ARHGAP20: variants seen among roughly 807,000 people sequenced by gnomAD.
The protein encoded by ARHGAP20 is rho GTPase-activating protein 20.
ARHGAP20 carries 34 observed loss-of-function variants against 73.7 expected under a neutral mutation model. That is an observed-to-expected ratio of 0.46 (90% CI 0.35 to 0.61). The LOEUF is 0.61. ARHGAP20 is among the 20% of genes least tolerant of loss of function. ARHGAP20 has a pLI of 0.00. For missense variants in ARHGAP20, 1,314 were observed against 1,420.9 expected (o/e 0.92, Z 1.21); for synonymous variants, 523 against 518.2 (o/e 1.01, Z -0.13).
chr11:110,588,183 G>A (rs1383224170), intron 11 of ARHGAP20, among the ~76,000 whole-genome samples: 3 of 152,184 alleles, frequency 2.0e-5, no homozygotes, highest in Non-Finnish European at 4.4e-5. Context: ...CAGCTGAGAA[G>A]GATGTGAGAG....
intron 9 of ARHGAP20, among the ~76,000 whole-genome samples, chr11:110,596,734 G>T (rs74749869): frequency 6.6e-6 from 1 of 152,156 alleles, no homozygotes; most frequent in African/African-American, 2.4e-5. Flanking sequence ...TCAGTATGGC[G>T]ATTCCTCAGG....
At chr11:110,684,488 ACTC>A (rs2092598360) in intron 2 of ARHGAP20, among the ~76,000 whole-genome samples, 2 of 152,142 alleles carry the variant, frequency 1.3e-5, no homozygotes, top group Admixed American at 1.3e-4. Flanking sequence ...AATTTGTTCA[ACTC>A]CTATGAAAAA....
intron 1 of ARHGAP20, among the ~76,000 whole-genome samples, chr11:110,702,129 A>G (rs1950464982): frequency 6.6e-6 from 1 of 152,066 alleles, no homozygotes; most frequent in South Asian, 2.1e-4. Context: ...TGATGCAAAA[A>G]TCCTCAATAA....
Position 110,577,759 on chromosome 11 carries a change from G to GCAAA in ARHGAP20, c.*1607_*1610dup. ...CTAAAAGATCATTGTAATGGTTAGCGCAAACAGGGCCATGTCCCCAAGAGG... is the reference window on the plus strand; with the variant it reads ...CTAAAAGATCATTGTAATGGTTAGCGCAAACAAACAGGGCCATGTCCCCAAGAGG... On this transcript the variant is annotated 3_prime_UTR_variant, in exon 15 of 15. Transcript: ENST00000683387. 2.0e-6 allele frequency: 2 copies of GCAAA among 985,806 alleles called. No homozygotes were observed. The highest frequency in any genetic ancestry group is 1.2e-6 in the Non-Finnish European group (1 of 829,930). The allele number at this position is 985,806 out of a possible 1,614,324, so 61.1% of individuals were successfully genotyped here. A position where few individuals can be genotyped will look rare whatever the true frequency, so the allele number is the denominator to read the frequency against.
intron 2 of ARHGAP20, among the ~76,000 whole-genome samples, chr11:110,655,371 A>G (rs1312896506): frequency 6.6e-6 from 1 of 152,178 alleles, no homozygotes; most frequent in Non-Finnish European, 1.5e-5. Flanking sequence ...TACCTTATCA[A>G]TTAATTACTA....
chr11:110,609,083 A>T, intron 7 of ARHGAP20, 33 bp from the exon 8 acceptor site: 1 of 1,588,320 alleles, frequency 6.3e-7, no homozygotes, highest in South Asian at 1.1e-5. Flanking sequence ...GTCACAATAA[A>T]TCTTTCACAT....
Position 110,586,258 on chromosome 11 carries a change from A to G in ARHGAP20, c.1373T>C (p.Met458Thr), listed in dbSNP as rs1433370406. The G allele has an allele frequency of 3.0e-5, 47 of 1,575,962 alleles. No homozygotes were observed. The highest frequency in any genetic ancestry group is 4.0e-5 in the Non-Finnish European group (46 of 1,160,382). The change falls in exon 12 of 15, where the codon ATG (methionine) becomes ACG (threonine). Residue 458 changes from methionine (M) to threonine (T), a missense_variant. This residue lies in a region of ARHGAP20 where 230 missense variants were observed against 317.6 expected (regional missense o/e 0.72). Coordinates refer to ENST00000683387, the MANE Select transcript of ARHGAP20 (RefSeq NM_001384657.1). ...TTTCTCTTCATCATTTCCTTGATCCATTACAGAGACCCAGTGATCATAGAG... is the reference window on the plus strand; with the variant it reads ...TTTCTCTTCATCATTTCCTTGATCCGTTACAGAGACCCAGTGATCATAGAG... Reference protein sequence around the residue: ...SDLYDHWVSVMDQGNDEEKIN... With the variant: ...SDLYDHWVSVTDQGNDEEKIN...
At position 110,577,702 on chromosome 11, in the gene ARHGAP20, G is replaced by C. The variant is rs1252429674; in HGVS notation, c.*1668C>G. 1 of 985,790 alleles carries C rather than the reference G, an allele frequency of 1.0e-6. No homozygotes were observed. The highest frequency in any genetic ancestry group is 6.1e-5 in the Admixed American group (1 of 16,270). The allele number at this position is 985,790 out of a possible 1,614,324, so 61.1% of individuals were successfully genotyped here. A position where few individuals can be genotyped will look rare whatever the true frequency, so the allele number is the denominator to read the frequency against. On this transcript the variant is annotated 3_prime_UTR_variant, in exon 15 of 15. Transcript: ENST00000683387. ...TTCACATCTGTGACTCAGATGGCCA[G>C]TGTCACGAAGTAGCTCTTTGGATAC... is the stretch of plus-strand genomic sequence containing the variant.
chr11:110,688,637 T>C (rs983921178), intron 2 of ARHGAP20, among the ~76,000 whole-genome samples: 5 of 152,204 alleles, frequency 3.3e-5, no homozygotes, highest in African/African-American at 1.2e-4. Flanking sequence ...GGTTTCTAGA[T>C]AACCAGTGTT....
At chr11:110,658,892 A>G (rs1190191204) in intron 2 of ARHGAP20, among the ~76,000 whole-genome samples, 6 of 152,198 alleles carry the variant, frequency 3.9e-5, no homozygotes, top group Non-Finnish European at 7.3e-5. Context: ...GGAGTTAACT[A>G]TATCGCCTGA....
At chr11:110,695,957 A>G (rs1023266894) in intron 1 of ARHGAP20, among the ~76,000 whole-genome samples, 1 of 151,676 alleles carries the variant, frequency 6.6e-6, no homozygotes, top group Admixed American at 6.6e-5. Flanking sequence ...AAAATGTGGT[A>G]TATCTATACA....
At chr11:110,598,585 AT>A (rs1200560118) in intron 9 of ARHGAP20, among the ~76,000 whole-genome samples, 1 of 152,286 alleles carries the variant, frequency 6.6e-6, no homozygotes, top group East Asian at 1.9e-4. Context: ...TCATAATGTG[AT>A]TTTTTAATGT....
At chr11:110,588,104 A>G (rs971398324) in intron 11 of ARHGAP20, among the ~76,000 whole-genome samples, 9 of 152,214 alleles carry the variant, frequency 5.9e-5, no homozygotes, top group Non-Finnish European at 1.2e-4. Flanking sequence ...TTGAAAGATA[A>G]TAACTCGTAA....
rs775497671 is a variant in ARHGAP20, at chr11:110,581,906, G to A, written c.1720+415C>T. Among the ~76,000 whole-genome samples the A allele has an allele frequency of 4.9e-4, 73 of 147,780 alleles. 1 individual carries two copies. Among genetic ancestry groups the A allele is most frequent in the Non-Finnish European group, 4.3e-4 (29 of 67,320 alleles). On this transcript the variant is annotated intron_variant, in intron 14 of 14. Transcript: ENST00000683387. Reference sequence around the variant, plus strand: ...ACACTAGAATTCTGACGTGTCTGAGGGACCAGTACAAGGAAGGAGAGGACA... The same window carrying A: ...ACACTAGAATTCTGACGTGTCTGAGAGACCAGTACAAGGAAGGAGAGGACA...
At position 110,689,691 on chromosome 11, in the gene ARHGAP20, G is replaced by T. The variant is rs560654009; in HGVS notation, c.188+856C>A. Among the ~76,000 whole-genome samples the T allele has an allele frequency of 1.9e-3, 293 of 152,150 alleles. 3 individuals carry two copies. Among genetic ancestry groups the T allele is most frequent in the Non-Finnish European group, 3.7e-4 (25 of 68,000 alleles). ...ATTGGGTGACCATCAGTTGATGGTCGGTGGTTGTTAACCATTTCGCTAAAG... is the reference window on the plus strand; with the variant it reads ...ATTGGGTGACCATCAGTTGATGGTCTGTGGTTGTTAACCATTTCGCTAAAG... On this transcript the variant is annotated intron_variant, in intron 2 of 14. Transcript: ENST00000683387.
At chr11:110,642,353 C>T (rs112486060) in intron 2 of ARHGAP20, among the ~76,000 whole-genome samples, 37 of 152,196 alleles carry the variant, frequency 2.4e-4, no homozygotes, top group African/African-American at 8.4e-4. Context: ...AGTGGGCATT[C>T]TTGTCTTGTT....
chr11:110,647,299 T>C (rs962857605), intron 2 of ARHGAP20, among the ~76,000 whole-genome samples: 2 of 152,034 alleles, frequency 1.3e-5, no homozygotes, highest in Non-Finnish European at 2.9e-5. Flanking sequence ...AGTAAGGAGT[T>C]AGTATAGGTG....
intron 2 of ARHGAP20, among the ~76,000 whole-genome samples, chr11:110,634,353 G>A (rs750945415): frequency 5.3e-5 from 8 of 152,130 alleles, no homozygotes; most frequent in Non-Finnish European, 8.8e-5. Context: ...AGGAAGGACA[G>A]GTAAGCGAGA....
intron 9 of ARHGAP20, among the ~76,000 whole-genome samples, chr11:110,598,643 A>C (rs2134852297): frequency 6.6e-6 from 1 of 152,318 alleles, no homozygotes; most frequent in African/African-American, 2.4e-5. Context: ...GAAGGAACAA[A>C]GATTTCCTAG....
Sources: allele counts gnomAD v4.1 joint callset (sites outside exome capture counted in the v4.1 genomes callset), GRCh38; gene constraint gnomAD v4.1.1; regional missense constraint gnomAD v4.1.1; transcripts MANE v1.5; gene names NCBI Gene and HGNC (gene_info 2026-07-23, HGNC 2026-07-21).